GOLGA4: variants seen among roughly 807,000 people sequenced by gnomAD.
GOLGA4 encodes golgin subfamily A member 4.
GOLGA4 carries 169 observed loss-of-function variants against 265.9 expected under a neutral mutation model. The observed-to-expected ratio is 0.64, with a 90% CI of 0.56 to 0.72. GOLGA4 has a LOEUF of 0.72. Ranked by LOEUF, GOLGA4 falls within the 30% of genes least tolerant of loss-of-function variation. GOLGA4 has a pLI of 0.00. For missense variants in GOLGA4, 2,482 were observed against 2,483.4 expected (o/e 1.00, Z 0.01); for synonymous variants, 923 against 855.8 (o/e 1.08, Z -1.37).
intron 23 of GOLGA4, among the ~76,000 whole-genome samples, chr3:37,365,726 G>C (rs1696697623): frequency 6.6e-6 from 1 of 151,802 alleles, no homozygotes; most frequent in Admixed American, 6.6e-5. Context: ...CTGACTATAG[G>C]TTGGTTTGCA....
intron 13 of GOLGA4, among the ~76,000 whole-genome samples, chr3:37,322,282 A>T (rs1217967000): frequency 6.6e-6 from 1 of 152,144 alleles, no homozygotes; most frequent in Non-Finnish European, 1.5e-5. Flanking sequence ...CTCTGCTTAT[A>T]TCACAGTTTA....
intron 10 of GOLGA4, among the ~76,000 whole-genome samples, chr3:37,313,806 A>T (rs149258500): frequency 6.6e-6 from 1 of 152,178 alleles, no homozygotes; most frequent in African/African-American, 2.4e-5. Context: ...GAAAATACCA[A>T]TATCAACTTG....
At chr3:37,336,737 C>T (rs1000086420) in intron 17 of GOLGA4, among the ~76,000 whole-genome samples, 1 of 151,298 alleles carries the variant, frequency 6.6e-6, no homozygotes, top group Non-Finnish European at 1.5e-5. Context: ...CCATTGCACT[C>T]CACCCTGGGC....
intron 9 of GOLGA4, among the ~76,000 whole-genome samples, chr3:37,301,844 A>G (rs1157621682): frequency 2.0e-5 from 3 of 152,018 alleles, no homozygotes; most frequent in East Asian, 1.9e-4. Context: ...GCTGGAGTGC[A>G]ATGGCGTGAT....
At chr3:37,270,524 G>C (rs1210385301) in intron 2 of GOLGA4, among the ~76,000 whole-genome samples, 1 of 152,070 alleles carries the variant, frequency 6.6e-6, no homozygotes, top group African/African-American at 2.4e-5. Context: ...GCCCAGTGTA[G>C]CTTTTTTGTA....
At chr3:37,308,464 T>G (rs1210003086) in intron 10 of GOLGA4, among the ~76,000 whole-genome samples, 2 of 151,794 alleles carry the variant, frequency 1.3e-5, no homozygotes, top group Non-Finnish European at 2.9e-5. Context: ...AGTATTTTAT[T>G]TTCATTTATG....
intron 16 of GOLGA4, among the ~76,000 whole-genome samples, chr3:37,331,413 A>G (rs2096989807): frequency 6.6e-6 from 1 of 152,158 alleles, no homozygotes; most frequent in Admixed American, 6.5e-5. Context: ...ACATCCCCAG[A>G]TATACTTTAT....
intron 21 of GOLGA4, among the ~76,000 whole-genome samples, chr3:37,353,579 G>A (rs2097081517): frequency 6.6e-6 from 1 of 152,026 alleles, no homozygotes; most frequent in Admixed American, 6.6e-5. Flanking sequence ...GTCTTACTCT[G>A]TCACCTGAGT....
At chr3:37,294,858 ATTAT>A in intron 5 of GOLGA4, 117 bp from the exon 6 acceptor site, 1 of 600,828 alleles carries the variant, frequency 1.7e-6, no homozygotes, top group East Asian at 2.8e-5. Flanking sequence ...TTATTCTCTA[ATTAT>A]TGTTGCTGAT....
chr3:37,363,471 T>C (rs1273842727), intron 23 of GOLGA4, among the ~76,000 whole-genome samples: 1 of 152,200 alleles, frequency 6.6e-6, no homozygotes, highest in African/African-American at 2.4e-5. Flanking sequence ...GCAAAAATAG[T>C]ACAATGAACA....
chr3:37,294,740 C>G (rs908184694), intron 5 of GOLGA4, among the ~76,000 whole-genome samples: 2 of 152,156 alleles, frequency 1.3e-5, no homozygotes, highest in Admixed American at 6.5e-5. Context: ...GCCATCATTA[C>G]AGCTCTGGAA....
intron 3 of GOLGA4, among the ~76,000 whole-genome samples, chr3:37,284,836 T>C (rs2096844102): frequency 6.6e-6 from 1 of 152,070 alleles, no homozygotes; most frequent in Admixed American, 6.6e-5. Context: ...TGGCTAATTT[T>C]TTGTATTTTT....
intron 1 of GOLGA4, 116 bp from the exon 2 acceptor site, chr3:37,251,279 C>T (rs2096732924): frequency 6.4e-6 from 4 of 624,588 alleles, no homozygotes; most frequent in East Asian, 2.8e-5. Flanking sequence ...CGTGTTTTTG[C>T]TCTTTTCCTT....
At chr3:37,314,174 T>C (rs2150923189) in intron 10 of GOLGA4, among the ~76,000 whole-genome samples, 1 of 152,106 alleles carries the variant, frequency 6.6e-6, no homozygotes, top group East Asian at 1.9e-4. Context: ...TTGGCCAGGC[T>C]GGTCTTGAAC....
At chr3:37,289,843 C>T (rs977820071) in intron 5 of GOLGA4, among the ~76,000 whole-genome samples, 4 of 152,130 alleles carry the variant, frequency 2.6e-5, no homozygotes, top group African/African-American at 4.8e-5. Flanking sequence ...GATACCTTGT[C>T]GCTTCCCTCT....
chr3:37,279,631 G>C (rs2096829285), intron 2 of GOLGA4, among the ~76,000 whole-genome samples: 1 of 152,148 alleles, frequency 6.6e-6, no homozygotes, highest in South Asian at 2.1e-4. Flanking sequence ...CAGAGGCCCA[G>C]CGTGTTGGCT....
intron 13 of GOLGA4, among the ~76,000 whole-genome samples, chr3:37,322,111 T>C (rs2096956644): frequency 6.6e-6 from 1 of 152,206 alleles, no homozygotes; most frequent in Non-Finnish European, 1.5e-5. Flanking sequence ...TGTATTTCTG[T>C]CAGCCACTCA....
Position 37,302,341 on chromosome 3 carries a change from T to C in GOLGA4, c.1234+9T>C. ...AAAGTCCGAAAGAGCTGGTAAGAAC[T>C]TGAGGGTTACTTGTTTTATGTTGGA... On this transcript the variant is annotated intron_variant, in intron 10 of 23. Coordinates refer to ENST00000361924, the MANE Select transcript of GOLGA4 (RefSeq NM_002078.5). The C allele has an allele frequency of 6.2e-7, 1 of 1,607,638 alleles. No homozygotes were observed. Among genetic ancestry groups the C allele is most frequent in the South Asian group, 1.1e-5 (1 of 90,080 alleles).
At chr3:37,285,899 T>G (rs1043125728) in intron 3 of GOLGA4, 115 bp from the exon 4 acceptor site, 2 of 560,838 alleles carry the variant, frequency 3.6e-6, no homozygotes, top group Non-Finnish European at 3.3e-6. Context: ...TAGGTTATCC[T>G]ATTAAGGACT....
Sources: allele counts gnomAD v4.1 joint callset (sites outside exome capture counted in the v4.1 genomes callset), GRCh38; gene constraint gnomAD v4.1.1; transcripts MANE v1.5; gene names NCBI Gene and HGNC (gene_info 2026-07-23, HGNC 2026-07-21).